The following CPNE4 variants were observed in gnomAD, a reference collection of about 807,000 sequenced individuals.
The protein encoded by CPNE4 is copine 4.
A neutral mutation model predicts 67.9 loss-of-function variants in CPNE4; 25 were observed. The ratio of observed to expected loss-of-function variants is 0.37; its 90% CI spans 0.27 to 0.51. The LOEUF (loss-of-function observed/expected upper bound fraction) is 0.51, where lower values mean the gene tolerates loss of function less well. Ranked by LOEUF, CPNE4 falls within the 20% of genes least tolerant of loss-of-function variation. CPNE4 has a pLI of 0.93. For synonymous variants in CPNE4, 242 were observed against 244.9 expected (o/e 0.99, Z 0.11); for missense variants, 464 against 690.8 (o/e 0.67, Z 3.68).
At chr3:131,636,529 T>C (rs1486214968) in intron 7 of CPNE4, among the ~76,000 whole-genome samples, 1 of 152,150 alleles carries the variant, frequency 6.6e-6, no homozygotes, top group Non-Finnish European at 1.5e-5. Context: ...CTACTATCCC[T>C]GCCCCCACCT....
At chr3:132,005,369 A>G (rs2073571633) in intron 1 of CPNE4, among the ~76,000 whole-genome samples, 1 of 101,078 alleles carries the variant, frequency 9.9e-6, no homozygotes, top group African/African-American at 3.5e-5. Flanking sequence ...ACACACACAC[A>G]CACATATATG....
chr3:131,908,554 C>T (rs971664126), intron 1 of CPNE4, among the ~76,000 whole-genome samples: 1 of 152,168 alleles, frequency 6.6e-6, no homozygotes. Flanking sequence ...CCTCTCCTAT[C>T]TCCAAGAGCC....
At chr3:131,918,270 T>C (rs1583453220) in intron 1 of CPNE4, among the ~76,000 whole-genome samples, 2 of 152,302 alleles carry the variant, frequency 1.3e-5, no homozygotes, top group South Asian at 2.1e-4. Context: ...AAGATCTAGG[T>C]TCATTTTACA....
chr3:131,674,073 A>G (rs2080497478), intron 6 of CPNE4, among the ~76,000 whole-genome samples: 1 of 152,038 alleles, frequency 6.6e-6, no homozygotes, highest in South Asian at 2.1e-4. Flanking sequence ...TGAAATGAGC[A>G]TATGATTTTT....
At chr3:131,650,744 C>CAAAAAAAAAAAAAAAAAAAAAAAAAAAA (rs141219633) in intron 7 of CPNE4, among the ~76,000 whole-genome samples, 1 of 61,196 alleles carries the variant, frequency 1.6e-5, no homozygotes, top group African/African-American at 8.7e-5. Context: ...GACTCCGTCT[C>CAAAAAAAAAAAAAAAAAAAAAAAAAAAA]AAAAAAAAAA....
At chr3:131,653,035 C>T (rs1013880637) in intron 7 of CPNE4, among the ~76,000 whole-genome samples, 4 of 152,086 alleles carry the variant, frequency 2.6e-5, no homozygotes, top group African/African-American at 9.7e-5. Context: ...ATAGAAGAAT[C>T]AGGGTTAAGT....
chr3:131,558,513 C>T (rs1936588372), intron 11 of CPNE4, among the ~76,000 whole-genome samples: 1 of 151,666 alleles, frequency 6.6e-6, no homozygotes, highest in Admixed American at 6.6e-5. Context: ...TTCTTATAAC[C>T]AGAATAAAAT....
intron 3 of CPNE4, among the ~76,000 whole-genome samples, chr3:131,720,284 GTT>G (rs60028328): frequency 0.013 from 1,454 of 107,940 alleles, 14 homozygotes; most frequent in African/African-American, 0.038. Context: ...ACAGGAATGG[GTT>G]TTTTTTTTTT....
At chr3:131,797,860 A>C (rs1284665632) in intron 2 of CPNE4, among the ~76,000 whole-genome samples, 1 of 152,146 alleles carries the variant, frequency 6.6e-6, no homozygotes, top group East Asian at 1.9e-4. Flanking sequence ...ACTCAGCTCA[A>C]ATTGCCATAA....
At chr3:131,863,250 T>A (rs956862687) in intron 2 of CPNE4, among the ~76,000 whole-genome samples, 13 of 152,142 alleles carry the variant, frequency 8.5e-5, no homozygotes, top group Non-Finnish European at 1.5e-4. Context: ...GGTCAAATGG[T>A]ATTTCTAGTA....
At chr3:131,792,663 G>GTATATATA (rs146705600) in intron 2 of CPNE4, among the ~76,000 whole-genome samples, 1 of 48,076 alleles carries the variant, frequency 2.1e-5, no homozygotes, top group Non-Finnish European at 4.2e-5. Context: ...ATACACACGT[G>GTATATATA]TATATATACA....
intron 2 of CPNE4, among the ~76,000 whole-genome samples, chr3:131,825,429 G>C (rs1042635116): frequency 6.6e-6 from 1 of 151,766 alleles, no homozygotes; most frequent in East Asian, 1.9e-4. Context: ...GGGAGGCAGA[G>C]GTTGCAGTGA....
At chr3:131,682,150 T>C (rs2080774641) in intron 6 of CPNE4, among the ~76,000 whole-genome samples, 1 of 152,098 alleles carries the variant, frequency 6.6e-6, no homozygotes, top group Non-Finnish European at 1.5e-5. Context: ...ATTTAGTTTG[T>C]TTGTTGAGGG....
upstream of CPNE4, chr3:132,035,170 C>T (rs1446113857): frequency 1.3e-5 from 6 of 467,200 alleles, no homozygotes; most frequent in Non-Finnish European, 1.7e-5. Context: ...GGTCCTGCCG[C>T]GCCCGCAGTC....
chr3:131,946,346 TCAGTA>T (rs2107872068), intron 1 of CPNE4, among the ~76,000 whole-genome samples: 1 of 152,344 alleles, frequency 6.6e-6, no homozygotes, highest in African/African-American at 2.4e-5. Context: ...GTAGCATGTA[TCAGTA>T]CTTTATTCCT....
chr3:132,019,149 C>CA (rs143846197), intron 1 of CPNE4, among the ~76,000 whole-genome samples: 2,563 of 147,280 alleles, frequency 0.017, 67 homozygotes, highest in African/African-American at 0.058. Context: ...GTGAAGCAAA[C>CA]AAAAAAAAAA....
chr3:131,547,692 C>T lies in CPNE4; in HGVS notation c.1302+2255G>A, dbSNP rs75889758. ...TAATATATCCACAGTTTTATATATT[C>T]ACTATTCTAAAGTAATTATTTGAAG... On this transcript the variant is annotated intron_variant, in intron 14 of 15. Transcript: ENST00000429747. Among the ~76,000 whole-genome samples, 1,256 of 152,044 alleles carry T rather than the reference C, an allele frequency of 8.3e-3. 17 individuals carry two copies. Among genetic ancestry groups the T allele is most frequent in the African/African-American group, 0.028 (1,168 of 41,490 alleles).
chr3:131,685,664 C>A (rs2080871662), intron 6 of CPNE4, among the ~76,000 whole-genome samples: 1 of 152,106 alleles, frequency 6.6e-6, no homozygotes, highest in African/African-American at 2.4e-5. Context: ...TGCCTGTAGT[C>A]CCAGCTACTC....
intron 7 of CPNE4, among the ~76,000 whole-genome samples, chr3:131,589,827 T>C (rs927964495): frequency 2.3e-4 from 35 of 152,308 alleles, no homozygotes; most frequent in African/African-American, 7.9e-4. Context: ...GAGAATTCAT[T>C]AGAATAAATA....
Sources: allele counts gnomAD v4.1 joint callset (sites outside exome capture counted in the v4.1 genomes callset), GRCh38; gene constraint gnomAD v4.1.1; transcripts MANE v1.5; gene names NCBI Gene and HGNC (gene_info 2026-07-23, HGNC 2026-07-21).